Variants in PLCL1 observed in about 807,000 individuals in gnomAD.
PLCL1 encodes the protein phospholipase C like 1 (inactive), also known as inactive phospholipase C-like protein 1.
In PLCL1, 41 loss-of-function variants were observed where a neutral mutation model predicts 84.4. The ratio of observed to expected loss-of-function variants is 0.49; its 90% CI spans 0.38 to 0.63. The LOEUF (loss-of-function observed/expected upper bound fraction) is 0.63, where lower values mean the gene tolerates loss of function less well. Ranked by LOEUF, PLCL1 falls within the 30% of genes least tolerant of loss-of-function variation. The pLI is 0.00. For missense variants in PLCL1, 1,206 were observed against 1,367.8 expected (o/e 0.88, Z 1.87); for synonymous variants, 490 against 488.3 (o/e 1.00, Z -0.05).
intron 1 of PLCL1, among the ~76,000 whole-genome samples, chr2:197,999,186 G>A (rs1049324886): frequency 2.0e-5 from 3 of 152,170 alleles, no homozygotes; most frequent in Non-Finnish European, 4.4e-5. Context: ...AGCTTCTCAA[G>A]GCACAGAGCA....
chr2:197,819,714 G>A (rs531273510), intron 1 of PLCL1, among the ~76,000 whole-genome samples: 1 of 152,174 alleles, frequency 6.6e-6, no homozygotes, highest in Non-Finnish European at 1.5e-5. Flanking sequence ...TATGATACCA[G>A]GGATAGGTAG....
chr2:198,115,216 G>C (rs1332139876), intron 5 of PLCL1, among the ~76,000 whole-genome samples: 1 of 151,836 alleles, frequency 6.6e-6, no homozygotes, highest in Non-Finnish European at 1.5e-5. Flanking sequence ...AAGTTCCAGG[G>C]CCTAAGGGGA....
intron 1 of PLCL1, among the ~76,000 whole-genome samples, chr2:197,999,826 A>G (rs1461159629): frequency 6.6e-6 from 1 of 152,152 alleles, no homozygotes; most frequent in Non-Finnish European, 1.5e-5. Context: ...CCTCTCCTAC[A>G]TATTGTATAT....
At chr2:197,825,054 C>T (rs187489899) in intron 1 of PLCL1, among the ~76,000 whole-genome samples, 172 of 152,048 alleles carry the variant, frequency 1.1e-3, no homozygotes, top group Non-Finnish European at 4.7e-4. Flanking sequence ...AGAGGTGTCT[C>T]TGGTTTTTTG....
chr2:197,957,476 C>T (rs1689516598), intron 1 of PLCL1, among the ~76,000 whole-genome samples: 1 of 151,952 alleles, frequency 6.6e-6, no homozygotes, highest in African/African-American at 2.4e-5. Context: ...TTTTAGAAGC[C>T]TCTCACTAGT....
intron 1 of PLCL1, among the ~76,000 whole-genome samples, chr2:197,977,021 T>C (rs1466307313): frequency 6.6e-6 from 1 of 152,220 alleles, no homozygotes; most frequent in Non-Finnish European, 1.5e-5. Context: ...GCTCAGTTTT[T>C]GATAGTTCCA....
At chr2:198,115,281 T>C (rs1227073995) in intron 5 of PLCL1, among the ~76,000 whole-genome samples, 1 of 151,838 alleles carries the variant, frequency 6.6e-6, no homozygotes, top group Non-Finnish European at 1.5e-5. Context: ...ATCAATATTT[T>C]CTCCAGATTG....
At chr2:198,144,537 T>C (rs1333596724) in intron 5 of PLCL1, among the ~76,000 whole-genome samples, 1 of 152,222 alleles carries the variant, frequency 6.6e-6, no homozygotes, top group Non-Finnish European at 1.5e-5. Flanking sequence ...CCTTATATCA[T>C]TGTGATTCCT....
chr2:198,121,652 T>A (rs184984401), intron 5 of PLCL1, among the ~76,000 whole-genome samples: 5 of 151,312 alleles, frequency 3.3e-5, no homozygotes, highest in Admixed American at 1.3e-4. Context: ...TCTATTCTGT[T>A]CCATTGGTCG....
intron 3 of PLCL1, among the ~76,000 whole-genome samples, chr2:198,100,009 G>C (rs56091409): frequency 0.016 from 2,427 of 152,208 alleles, 67 homozygotes; most frequent in African/African-American, 0.054. Context: ...GGAAAAATAA[G>C]AGTGGAGAAA....
At chr2:197,875,146 T>G (rs901038868) in intron 1 of PLCL1, among the ~76,000 whole-genome samples, 1 of 151,836 alleles carries the variant, frequency 6.6e-6, no homozygotes, top group Admixed American at 6.6e-5. Context: ...ACTAGCTGGG[T>G]GTGGTGGTGT....
intron 1 of PLCL1, among the ~76,000 whole-genome samples, chr2:198,007,701 G>A (rs973765039): frequency 6.6e-6 from 1 of 152,114 alleles, no homozygotes; most frequent in Non-Finnish European, 1.5e-5. Context: ...ATGCATTTTA[G>A]GACTTGGATA....
intron 1 of PLCL1, among the ~76,000 whole-genome samples, chr2:198,055,027 T>C (rs1211050736): frequency 2.0e-5 from 3 of 152,164 alleles, no homozygotes; most frequent in Admixed American, 1.3e-4. Context: ...TGATGTTTTA[T>C]ATAGTATATG....
At chr2:198,021,162 G>A (rs1023961257) in intron 1 of PLCL1, among the ~76,000 whole-genome samples, 12 of 152,098 alleles carry the variant, frequency 7.9e-5, no homozygotes, top group African/African-American at 2.7e-4. Context: ...GGTAAATAAC[G>A]AAATTAAGGC....
chr2:198,140,784 T>C (rs1273061949), intron 5 of PLCL1, among the ~76,000 whole-genome samples: 3 of 152,134 alleles, frequency 2.0e-5, no homozygotes. Flanking sequence ...TTCTATACTT[T>C]ATAAATTATT....
intron 1 of PLCL1, among the ~76,000 whole-genome samples, chr2:197,873,295 G>C (rs10192466): frequency 6.6e-6 from 1 of 151,542 alleles, no homozygotes; most frequent in Non-Finnish European, 1.5e-5. Context: ...CTGCAGGCAC[G>C]GAGTGCTCTT....
At chr2:197,866,069 T>A (rs1209703360) in intron 1 of PLCL1, among the ~76,000 whole-genome samples, 1 of 52,566 alleles carries the variant, frequency 1.9e-5, no homozygotes, top group African/African-American at 1.2e-4. Context: ...ACACACACAC[T>A]ATATATATAT....
chr2:198,069,092 A>T (rs1692403477), intron 1 of PLCL1, among the ~76,000 whole-genome samples: 2 of 152,038 alleles, frequency 1.3e-5, no homozygotes, highest in Non-Finnish European at 2.9e-5. Context: ...AGATAAGCAA[A>T]CATAACTACT....
chr2:197,822,886 T>C (rs1690847302), intron 1 of PLCL1, among the ~76,000 whole-genome samples: 1 of 152,148 alleles, frequency 6.6e-6, no homozygotes, highest in African/African-American at 2.4e-5. Context: ...TTCAGCAAAG[T>C]TGTCTTTATA....
Sources: allele counts gnomAD v4.1 joint callset (sites outside exome capture counted in the v4.1 genomes callset), GRCh38; gene constraint gnomAD v4.1.1; transcripts MANE v1.5; gene names NCBI Gene and HGNC (gene_info 2026-07-23, HGNC 2026-07-21).